EIF3H: variants seen among roughly 807,000 people sequenced by gnomAD.
The protein encoded by EIF3H is eIF-3-gamma.
EIF3H carries 26 observed loss-of-function variants against 44.2 expected under a neutral mutation model. The observed-to-expected ratio is 0.59, with a 90% CI of 0.43 to 0.82. EIF3H has a LOEUF of 0.82. Among genes scored for constraint, EIF3H ranks in the 40% least tolerant of loss-of-function variants. The pLI is 0.00. For missense variants in EIF3H, 359 were observed against 432.8 expected (o/e 0.83, Z 1.51); for synonymous variants, 166 against 151.9 (o/e 1.09, Z -0.68).
chr8:116,722,362 G>T (rs766776000), intron 2 of EIF3H, among the ~76,000 whole-genome samples: 42 of 152,202 alleles, frequency 2.8e-4, no homozygotes, highest in Middle Eastern at 6.8e-3. Context: ...TTGTAAGTTA[G>T]CCAGTGTGGG....
intron 5 of EIF3H, among the ~76,000 whole-genome samples, chr8:116,655,082 C>T (rs1254265829): frequency 6.6e-6 from 1 of 151,862 alleles, no homozygotes; most frequent in Non-Finnish European, 1.5e-5. Context: ...TGCTGCTAGC[C>T]TCCTTCCACC....
chr8:116,724,083 A>T (rs1814795214), intron 2 of EIF3H, among the ~76,000 whole-genome samples: 1 of 152,228 alleles, frequency 6.6e-6, no homozygotes, highest in Non-Finnish European at 1.5e-5. Flanking sequence ...CAAAAAGTGT[A>T]CTTCTGACAT....
intron 2 of EIF3H, among the ~76,000 whole-genome samples, chr8:116,704,397 C>A (rs965592110): frequency 1.3e-5 from 2 of 152,166 alleles, no homozygotes; most frequent in East Asian, 3.9e-4. Context: ...ATTACCAGTA[C>A]AATAATGGCG....
At chr8:116,765,259 T>G (rs1423925849) in intron 1 of EIF3H, among the ~76,000 whole-genome samples, 1 of 152,196 alleles carries the variant, frequency 6.6e-6, no homozygotes, top group African/African-American at 2.4e-5. Context: ...CCTAAATTCA[T>G]TTTAAGTTTA....
At chr8:116,674,318 AGGTGGGGGGG>A (rs1231874205) in intron 2 of EIF3H, among the ~76,000 whole-genome samples, 3 of 986 alleles carry the variant, frequency 3.0e-3, no homozygotes, top group South Asian at 0.045. Flanking sequence ...CTGGGGGTGG[AGGTGGGGGGG>A]GGTGGGGGGG....
chr8:116,741,699 T>A (rs150220362), intron 1 of EIF3H, among the ~76,000 whole-genome samples: 1 of 152,340 alleles, frequency 6.6e-6, no homozygotes, highest in Admixed American at 6.5e-5. Flanking sequence ...AGAACAGCTA[T>A]TACTGTAGAA....
At chr8:116,646,804 G>A (rs1813309007) in intron 6 of EIF3H, among the ~76,000 whole-genome samples, 1 of 152,160 alleles carries the variant, frequency 6.6e-6, no homozygotes. Context: ...GAAAACTCTA[G>A]TGTCACTCTA....
chr8:116,684,269 T>G (rs1300504393), intron 2 of EIF3H, among the ~76,000 whole-genome samples: 1 of 152,184 alleles, frequency 6.6e-6, no homozygotes, highest in Non-Finnish European at 1.5e-5. Context: ...TCTTCCCAGA[T>G]GGAAGTCCTG....
chr8:116,655,484 T>C (rs1813473484), intron 5 of EIF3H, among the ~76,000 whole-genome samples: 1 of 152,114 alleles, frequency 6.6e-6, no homozygotes, highest in Admixed American at 6.5e-5. Flanking sequence ...CTGAGCATTA[T>C]TAAATATCCA....
chr8:116,742,348 T>A (rs1815147773), intron 1 of EIF3H, among the ~76,000 whole-genome samples: 1 of 152,186 alleles, frequency 6.6e-6, no homozygotes, highest in Non-Finnish European at 1.5e-5. Context: ...TAGTCACATG[T>A]AAGTATAATG....
At chr8:116,679,178 G>GC (rs1363277564) in intron 2 of EIF3H, among the ~76,000 whole-genome samples, 4 of 76,010 alleles carry the variant, frequency 5.3e-5, no homozygotes, top group African/African-American at 9.2e-5. Flanking sequence ...GTGGGGGTCA[G>GC]CCCCCCGCCC....
chr8:116,669,077 G>A (rs1040022748), intron 2 of EIF3H, among the ~76,000 whole-genome samples: 5 of 152,082 alleles, frequency 3.3e-5, no homozygotes, highest in African/African-American at 1.2e-4. Flanking sequence ...CAAAGTCTAT[G>A]CATTTCTAAC....
chr8:116,709,955 T>C (rs1265862426), intron 2 of EIF3H, among the ~76,000 whole-genome samples: 1 of 152,194 alleles, frequency 6.6e-6, no homozygotes, highest in Non-Finnish European at 1.5e-5. Flanking sequence ...CACACCTTCA[T>C]TTTTTACAAA....
At position 116,749,869 on chromosome 8, in the gene EIF3H, T is replaced by C. The variant is rs151295102; in HGVS notation, c.132+5797A>G. On this transcript the variant is annotated intron_variant, in intron 1 of 7. Transcript: ENST00000521861. ...CAAGCCCTGTGGAGGGACTGCTACA[T>C]TACAGATACAGAGGAAGTGATGAAA... Among the ~76,000 whole-genome samples the C allele has an allele frequency of 1.1e-4, 16 of 152,376 alleles. No homozygotes were observed. In the East Asian group the frequency reaches 2.3e-3, roughly 22 times the overall value.
At chr8:116,718,839 T>A (rs1053302504) in intron 2 of EIF3H, among the ~76,000 whole-genome samples, 1 of 151,894 alleles carries the variant, frequency 6.6e-6, no homozygotes, top group South Asian at 2.1e-4. Flanking sequence ...AACTCATTCA[T>A]GTAACCAAAC....
At chr8:116,724,985 T>A (rs1376360531) in intron 2 of EIF3H, among the ~76,000 whole-genome samples, 15 of 152,254 alleles carry the variant, frequency 9.9e-5, no homozygotes, top group Admixed American at 9.8e-4. Context: ...CACACCCATG[T>A]TCACTGCAGC....
chr8:116,710,492 G>T (rs961900629), intron 2 of EIF3H, among the ~76,000 whole-genome samples: 1 of 152,104 alleles, frequency 6.6e-6, no homozygotes, highest in Admixed American at 6.5e-5. Flanking sequence ...ATTTTCTGTT[G>T]ACCTTCATTT....
At chr8:116,755,866 G>A (rs528038279), upstream of EIF3H, 810 of 1,593,506 alleles carry the variant, frequency 5.1e-4, 2 homozygotes, top group Non-Finnish European at 6.6e-4. Context: ...CTCGCGTGAC[G>A]TCACTCGCAG....
At chr8:116,698,121 C>T (rs983104676) in intron 2 of EIF3H, among the ~76,000 whole-genome samples, 1 of 152,038 alleles carries the variant, frequency 6.6e-6, no homozygotes, top group Non-Finnish European at 1.5e-5. Flanking sequence ...TCATTATACC[C>T]GAGGGCCATT....
Sources: allele counts gnomAD v4.1 joint callset (sites outside exome capture counted in the v4.1 genomes callset), GRCh38; gene constraint gnomAD v4.1.1; transcripts MANE v1.5; gene names NCBI Gene and HGNC (gene_info 2026-07-23, HGNC 2026-07-21).